Variants in COL5A1 observed in about 807,000 individuals in gnomAD.
COL5A1 encodes the protein collagen alpha-1(V) chain.
COL5A1 carries 16 observed loss-of-function variants against 263.7 expected under a neutral mutation model. The ratio of observed to expected loss-of-function variants is 0.06; its 90% confidence interval spans 0.04 to 0.09. The LOEUF (loss-of-function observed/expected upper bound fraction) is 0.09. COL5A1 is among the 10% of genes least tolerant of loss of function. The pLI, the probability that COL5A1 is intolerant of heterozygous loss-of-function variation, is 1.00. For synonymous variants in COL5A1, 1,012 were observed against 1,004.5 expected (o/e 1.01, Z -0.14); for missense variants, 2,036 against 2,540.5 (o/e 0.80, Z 4.27).
intron 1 of COL5A1, among the ~76,000 whole-genome samples, chr9:134,687,438 TCCATCCATCCATC>T (rs1564387969): frequency 1.1e-4 from 16 of 151,572 alleles, no homozygotes; most frequent in African/African-American, 3.9e-4. Flanking sequence ...CATCCATCCA[TCCATCCATCCATC>T]CATCCATCAT....
chr9:134,743,964 G>A (rs1299539040), intron 11 of COL5A1, among the ~76,000 whole-genome samples: 2 of 152,146 alleles, frequency 1.3e-5, no homozygotes, highest in Non-Finnish European at 1.5e-5. Context: ...TTGGGGTGAT[G>A]CCCTGCTATG....
chr9:134,747,717 A>G (rs951790320), intron 11 of COL5A1, among the ~76,000 whole-genome samples: 2 of 151,654 alleles, frequency 1.3e-5, no homozygotes, highest in Non-Finnish European at 2.9e-5. Flanking sequence ...ATTCATACAC[A>G]CATGCAGACA....
At chr9:134,738,673 T>G in intron 10 of COL5A1, 73 bp from the exon 11 acceptor site, 10 of 1,425,604 alleles carry the variant, frequency 7.0e-6, no homozygotes, top group Non-Finnish European at 8.9e-6. Flanking sequence ...TCTGCCTTGG[T>G]TGGCCAGTTG....
intron 44 of COL5A1, 48 bp downstream of exon 44, chr9:134,810,356 C>T (rs759374778): frequency 2.3e-5 from 37 of 1,578,590 alleles, no homozygotes; most frequent in Non-Finnish European, 3.1e-5. Context: ...TCCCGGGGGG[C>T]CTCGTCGCAG....
chr9:134,652,711 A>G lies in COL5A1; in HGVS notation c.109+10415A>G, dbSNP rs1227002249. On this transcript the variant is annotated intron_variant, in intron 1 of 65. Coordinates refer to ENST00000371817, the MANE Select transcript of COL5A1 (RefSeq NM_000093.5). The surrounding 1 kb of genome is among the most constrained non-coding windows in gnomAD (Gnocchi z 4.4). ...AGGTGAGATTCCGTGGCCTCACCCC[A>G]TGGTCTTCTCATGGCTCATTGTCAG... 2.1e-6 allele frequency: 1 copy of G among 470,858 alleles called. No individual in the cohort carries two copies. Among genetic ancestry groups the G allele is most frequent in the East Asian group, 7.0e-5 (1 of 14,384 alleles). 29.2% of individuals were successfully genotyped at this position (470,858 alleles called of 1,614,324 possible).
intron 42 of COL5A1, among the ~76,000 whole-genome samples, chr9:134,806,563 G>A (rs866023225): frequency 1.3e-5 from 2 of 152,190 alleles, no homozygotes; most frequent in African/African-American, 2.4e-5. Flanking sequence ...ATGTTGGGCC[G>A]GTCTCAGCCT....
At chr9:134,657,957 G>T (rs1832075039) in intron 1 of COL5A1, among the ~76,000 whole-genome samples, 3 of 152,058 alleles carry the variant, frequency 2.0e-5, no homozygotes, top group Middle Eastern at 3.4e-3. Flanking sequence ...GGGAGTCCTG[G>T]CCTGTCGGGT....
chr9:134,819,998 C>A, intron 57 of COL5A1, 118 bp from the exon 58 acceptor site: 1 of 828,422 alleles, frequency 1.2e-6, no homozygotes, highest in Non-Finnish European at 2.1e-6. Context: ...CCAGGGGAGG[C>A]TGACCATGAT....
rs11103543 is a variant in COL5A1, at chr9:134,841,868, T to C, written c.5371-289T>C. On this transcript the variant is annotated intron_variant, in intron 65 of 65. Coordinates refer to ENST00000371817, the MANE Select transcript of COL5A1 (RefSeq NM_000093.5). The surrounding 1 kb of genome is among the most constrained non-coding windows in gnomAD (Gnocchi z 4.8). ...AAGGCTGATCAGCTTCAATCCTGTG[T>C]GTGCCTCAGCCACCCCTGAAGCCTT... Among the ~76,000 whole-genome samples the C allele has an allele frequency of 0.15, 22,665 of 152,058 alleles. 2,217 individuals are homozygous for C. Among genetic ancestry groups the C allele is most frequent in the Non-Finnish European group, 0.21 (14,504 of 67,942 alleles).
chr9:134,733,527 C>G (rs1834982382), intron 9 of COL5A1, among the ~76,000 whole-genome samples: 1 of 152,196 alleles, frequency 6.6e-6, no homozygotes, highest in African/African-American at 2.4e-5. Flanking sequence ...GAAGACAGAG[C>G]TTGTCTGAGG....
chr9:134,781,724 G>A (rs1837264232), intron 28 of COL5A1, among the ~76,000 whole-genome samples: 2 of 152,186 alleles, frequency 1.3e-5, no homozygotes, highest in South Asian at 4.1e-4. Context: ...GTGGACTTCT[G>A]CATTATTTGT....
At position 134,814,886 on chromosome 9, in the gene COL5A1, T is replaced by C. The variant is rs1390586850; in HGVS notation, c.3996T>C (p.Asp1332=). ...PPGPKGPPGD[D]GPKGSPGPVG... is the part of the protein sequence containing the mutation. ...GACCCAAAGGCCCTCCCGGAGATGATGGTCCCAAAGGCAGCCCTGTGAGTA... is the reference window on the plus strand; with the variant it reads ...GACCCAAAGGCCCTCCCGGAGATGACGGTCCCAAAGGCAGCCCTGTGAGTA... Residue 1332 remains aspartate (D), a synonymous_variant, in exon 50 of 66, where the codon GAT becomes GAC. Coordinates refer to ENST00000371817, the MANE Select transcript of COL5A1 (RefSeq NM_000093.5). The C allele has an allele frequency of 6.4e-7, 1 of 1,550,956 alleles. No homozygotes were observed. Among genetic ancestry groups the C allele is most frequent in the South Asian group, 1.2e-5 (1 of 84,044 alleles).
chr9:134,782,459 A>T, intron 28 of COL5A1: 1 of 664,538 alleles, frequency 1.5e-6, no homozygotes, highest in Non-Finnish European at 2.7e-6. Context: ...AGCTCTCTCC[A>T]GCTTCAGAAC....
In COL5A1 at chr9:134,735,038, CT is replaced by C. The variant is rs767332216; in HGVS notation, c.1389+2912del. 1.7e-3 allele frequency among the ~76,000 whole-genome samples: 259 copies of C among 152,104 alleles called. 1 individual carries two copies. The highest frequency in any genetic ancestry group is 3.5e-3 in the Admixed American group (53 of 15,284). On this transcript the variant is annotated intron_variant, in intron 9 of 65. Transcript: ENST00000371817. Reference sequence around the variant, plus strand: ...CCATCCTGACCACCATGGCAAAACCCTGTCTTTACTAAAACTACAAAAAAAT... The same window carrying C: ...CCATCCTGACCACCATGGCAAAACCCGTCTTTACTAAAACTACAAAAAAAT...
chr9:134,809,402 G>A (rs1004931190), intron 43 of COL5A1, 112 bp downstream of exon 43: 33 of 833,330 alleles, frequency 4.0e-5, no homozygotes, highest in South Asian at 2.6e-4. Flanking sequence ...CTCAGCCAGC[G>A]GAGTGATGCC....
rs1831346936 is a variant in COL5A1 at position 134,642,867 on chromosome 9, G to T, written c.109+571G>T. Reference sequence around the variant, plus strand: ...TTCCTGCAGCCTTGGTCACCTAAGTGTTCGGGGGCACTGGGGACCCCTGCA... The same window carrying T: ...TTCCTGCAGCCTTGGTCACCTAAGTTTTCGGGGGCACTGGGGACCCCTGCA... On this transcript the variant is annotated intron_variant, in intron 1 of 65. Transcript: ENST00000371817. The surrounding 1 kb of genome is among the most constrained non-coding windows in gnomAD (Gnocchi z 4.5). Among the ~76,000 whole-genome samples, 1 of 152,186 alleles carries T rather than the reference G, an allele frequency of 6.6e-6. No homozygotes were observed. The highest frequency in any genetic ancestry group is 2.4e-5 in the African/African-American group (1 of 41,452).
intron 11 of COL5A1, among the ~76,000 whole-genome samples, chr9:134,740,958 G>T (rs1007231993): frequency 6.6e-6 from 1 of 152,064 alleles, no homozygotes; most frequent in Non-Finnish European, 1.5e-5. Context: ...GAGAGACCTG[G>T]AGCCCACCGG....
rs1455714114 is a variant in COL5A1, at chr9:134,716,639, G to A, written c.655-10627G>A. On this transcript the variant is annotated intron_variant, in intron 4 of 65. Transcript: ENST00000371817. This position sits in a 1 kb window ranked among gnomAD's most constrained non-coding sequence, Gnocchi z 4.5. ...CCCCTGCCATTGGTGCTGCCATTTC[G>A]TCCCTTGGTCTAGAGATGAGGCCCC... Among the ~76,000 whole-genome samples, 1 of 152,276 alleles carries A rather than the reference G, an allele frequency of 6.6e-6. No homozygotes were observed. Among genetic ancestry groups the A allele is most frequent in the African/African-American group, 2.4e-5 (1 of 41,556 alleles).
At chr9:134,835,346 CCA>C in intron 65 of COL5A1, 142 bp downstream of exon 65, 1 of 728,680 alleles carries the variant, frequency 1.4e-6, no homozygotes, top group Non-Finnish European at 2.3e-6. Flanking sequence ...CCAGGCAGCC[CCA>C]CAGTTGCAGG....
Sources: gnomAD v4.1 joint callset for allele counts (sites outside exome capture counted in the v4.1 genomes callset) on GRCh38, gnomAD v4.1.1 for gene constraint, Gnocchi (gnomAD v3.1) non-coding constraint, MANE v1.5 for transcripts, NCBI Gene and HGNC (gene_info 2026-07-23, HGNC 2026-07-21) for gene names.